The following F13A1 variants were observed in gnomAD, a reference collection of about 807,000 sequenced individuals.
F13A1 encodes the protein FSF, A subunit.
Under a neutral mutation model 80.1 loss-of-function variants are expected in F13A1, and 47 were observed. The ratio of observed to expected loss-of-function variants is 0.59; its 90% CI spans 0.46 to 0.75. F13A1 has a LOEUF of 0.75. Among genes scored for constraint, F13A1 ranks in the 30% least tolerant of loss-of-function variants. F13A1 has a pLI of 0.00. For synonymous variants in F13A1, 349 were observed against 344.9 expected (o/e 1.01, Z -0.13); for missense variants, 817 against 930.4 (o/e 0.88, Z 1.59).
intron 2 of F13A1, among the ~76,000 whole-genome samples, chr6:6,316,238 G>T (rs1758684816): frequency 6.8e-6 from 1 of 148,106 alleles, no homozygotes; most frequent in African/African-American, 2.5e-5. Flanking sequence ...TCTTGTCTGT[G>T]AAAAATATTA....
At chr6:6,170,065 G>T (rs1413416352) in intron 12 of F13A1, among the ~76,000 whole-genome samples, 1 of 152,132 alleles carries the variant, frequency 6.6e-6, no homozygotes, top group East Asian at 1.9e-4. Context: ...GTGAGGTTCT[G>T]GCCCTCTATT....
rs986858234 is a variant in F13A1 at position 6,281,976 on chromosome 6, A to T, written c.320-15167T>A. On this transcript the variant is annotated intron_variant, in intron 3 of 14. Transcript: ENST00000264870. ...GCCACTGCACTCCAGCCTGGGCGAC[A>T]GAGTGAGACTCCGTCTCAAAAAAAA... 2.1e-5 allele frequency among the ~76,000 whole-genome samples: 3 copies of T among 141,022 alleles called. No individual in the cohort carries two copies. The Admixed American group carries it at 2.2e-4, about 11-fold the overall frequency. The allele number at this position is 141,022 out of a possible 152,430, so 92.5% of individuals were successfully genotyped here. A position where few individuals can be genotyped will look rare whatever the true frequency, so the allele number is the denominator to read the frequency against.
chr6:6,276,474 G>A (rs912344615), intron 3 of F13A1, among the ~76,000 whole-genome samples: 5 of 152,146 alleles, frequency 3.3e-5, no homozygotes, highest in Admixed American at 6.5e-5. Context: ...TCATTCACTC[G>A]CTTGTGTACC....
At chr6:6,205,266 T>C (rs1761466885) in intron 8 of F13A1, among the ~76,000 whole-genome samples, 2 of 152,214 alleles carry the variant, frequency 1.3e-5, no homozygotes, top group Non-Finnish European at 2.9e-5. Context: ...CGGGGTGCAC[T>C]TGGACAGGTG....
intron 6 of F13A1, among the ~76,000 whole-genome samples, chr6:6,231,097 G>A (rs917660832): frequency 2.4e-4 from 37 of 152,112 alleles, no homozygotes; most frequent in African/African-American, 8.9e-4. Flanking sequence ...ACCTGAAAAA[G>A]AATTAAGGAG....
intron 10 of F13A1, among the ~76,000 whole-genome samples, chr6:6,186,071 T>C (rs2151078579): frequency 6.6e-6 from 1 of 151,440 alleles, no homozygotes; most frequent in South Asian, 2.1e-4. Flanking sequence ...ATGGGGTTGT[T>C]TGTTTTTTTC....
At chr6:6,300,481 T>C (rs1254475999) in intron 3 of F13A1, among the ~76,000 whole-genome samples, 1 of 152,166 alleles carries the variant, frequency 6.6e-6, no homozygotes, top group Non-Finnish European at 1.5e-5. Flanking sequence ...AAGTGCAGTA[T>C]TGGGGTGGGA....
At chr6:6,152,462 T>C (rs2151068621) in intron 13 of F13A1, among the ~76,000 whole-genome samples, 1 of 152,246 alleles carries the variant, frequency 6.6e-6, no homozygotes, top group East Asian at 1.9e-4. Flanking sequence ...GATACTAAAA[T>C]AAGTAAAGGA....
chr6:6,206,498 T>C (rs1274498987), intron 8 of F13A1: 1 of 472,994 alleles, frequency 2.1e-6, no homozygotes, highest in Non-Finnish European at 4.4e-6. Flanking sequence ...ACCTCTGACA[T>C]TTTACCCCCA....
chr6:6,159,002 C>T (rs377119013), intron 13 of F13A1, among the ~76,000 whole-genome samples: 18 of 150,734 alleles, frequency 1.2e-4, no homozygotes, highest in African/African-American at 3.4e-4. Flanking sequence ...CCCAGGTTCA[C>T]GCCATTCTCC....
intron 6 of F13A1, among the ~76,000 whole-genome samples, chr6:6,247,186 A>C (rs1361791550): frequency 1.4e-4 from 21 of 152,228 alleles, no homozygotes; most frequent in Admixed American, 1.4e-3. Flanking sequence ...ATAAAATAAA[A>C]GCCACCATTC....
At position 6,318,577 on chromosome 6, in the gene F13A1, C is replaced by T. The variant is rs1447842650; in HGVS notation, c.88G>A (p.Val30Met). 1.9e-6 allele frequency: 3 copies of T among 1,613,622 alleles called. No homozygotes were observed. In the African/African-American group the frequency reaches 4.0e-5, roughly 22 times the overall value. The change falls in exon 2 of 15, where the codon GTG becomes ATG. Residue 30 changes from valine (V) to methionine (M), a missense_variant. Physicochemically the swap from Val to Met is conservative, Grantham distance 21. Coordinates refer to ENST00000264870, the MANE Select transcript of F13A1 (RefSeq NM_000129.4). ...CGGGGCACCACGCCCTGAAGCTCCA[C>T]TGTGGGCAGGTCATCTTCCGCTGCA... is the stretch of plus-strand genomic sequence containing the variant. ...SNAAEDDLPT[V>M]ELQGVVPRGV...
At chr6:6,256,118 A>G (rs1047165567) in intron 4 of F13A1, among the ~76,000 whole-genome samples, 1 of 152,164 alleles carries the variant, frequency 6.6e-6, no homozygotes, top group African/African-American at 2.4e-5. Context: ...TTTCAGGGGA[A>G]GCTAGTTCTT....
intron 3 of F13A1, among the ~76,000 whole-genome samples, chr6:6,293,893 AC>A (rs1181035010): frequency 1.3e-5 from 2 of 152,054 alleles, no homozygotes; most frequent in East Asian, 3.9e-4. Flanking sequence ...GAGAACAGCA[AC>A]ATAGGGAAAC....
chr6:6,205,707 T>A (rs570633525), intron 8 of F13A1, among the ~76,000 whole-genome samples: 1 of 152,326 alleles, frequency 6.6e-6, no homozygotes, highest in Non-Finnish European at 1.5e-5. Context: ...TGTGATTACG[T>A]GTTTTATTAT....
intron 3 of F13A1, among the ~76,000 whole-genome samples, chr6:6,267,594 G>A (rs1757863276): frequency 6.6e-6 from 1 of 152,106 alleles, no homozygotes; most frequent in Admixed American, 6.5e-5. Context: ...CCAGGTAAAT[G>A]GGACCCATAA....
chr6:6,207,787 C>G (rs1173456845), intron 8 of F13A1, among the ~76,000 whole-genome samples: 1 of 152,170 alleles, frequency 6.6e-6, no homozygotes, highest in Non-Finnish European at 1.5e-5. Flanking sequence ...GTTATATGAC[C>G]ACTAAGCTAA....
intron 3 of F13A1, among the ~76,000 whole-genome samples, chr6:6,296,928 C>T (rs1307348989): frequency 2.7e-5 from 4 of 148,180 alleles, no homozygotes; most frequent in Non-Finnish European, 5.9e-5. Flanking sequence ...CCCATCAATA[C>T]CTAATTTATT....
chr6:6,208,820 A>T (rs1023585768), intron 8 of F13A1, among the ~76,000 whole-genome samples: 1 of 152,112 alleles, frequency 6.6e-6, no homozygotes, highest in Non-Finnish European at 1.5e-5. Context: ...TACTTCATAC[A>T]TACATAAAAA....
Sources: allele counts gnomAD v4.1 joint callset (sites outside exome capture counted in the v4.1 genomes callset), GRCh38; gene constraint gnomAD v4.1.1; transcripts MANE v1.5; gene names NCBI Gene and HGNC (gene_info 2026-07-23, HGNC 2026-07-21).